The following GSE1 variants were observed in gnomAD, a reference collection of about 807,000 sequenced individuals.
The protein encoded by GSE1 is Gse1 coiled-coil protein, also known as genetic suppressor element 1.
Under a neutral mutation model 112.6 loss-of-function variants are expected in GSE1, and 32 were observed. That is an observed-to-expected ratio of 0.28 (90% CI 0.21 to 0.38). The LOEUF is 0.38. Among genes scored for constraint, GSE1 ranks in the 10% least tolerant of loss-of-function variants. The pLI, the probability that GSE1 is intolerant of heterozygous loss-of-function variation, is 1.00. For missense variants in GSE1, 2,348 were observed against 1,699.2 expected, an observed-to-expected ratio of 1.38 and a Z score of -6.71; for synonymous variants, 1,115 against 735.6, an observed-to-expected ratio of 1.52 and a Z score of -8.35.
intron 2 of GSE1, among the ~76,000 whole-genome samples, chr16:85,439,609 G>T (rs996187362): frequency 6.6e-6 from 1 of 152,146 alleles, no homozygotes; most frequent in Non-Finnish European, 1.5e-5. Context: ...GTGTCAGTGG[G>T]GGGTGGGCTT....
intron 1 of GSE1, chr16:85,306,154 C>T (rs2045672264): frequency 6.5e-6 from 1 of 154,180 alleles, no homozygotes; most frequent in Non-Finnish European, 1.5e-5. Context: ...GGGTTAGGAA[C>T]TCCTGCTCTA....
chr16:85,441,340 G>A (rs141612723), intron 2 of GSE1, among the ~76,000 whole-genome samples: 8 of 152,248 alleles, frequency 5.3e-5, no homozygotes, highest in Non-Finnish European at 1.0e-4. Flanking sequence ...TGAGAATCAC[G>A]GGGTTAAGGG....
intron 1 of GSE1, among the ~76,000 whole-genome samples, chr16:85,197,479 C>G (rs978703663): frequency 6.6e-6 from 1 of 152,232 alleles, no homozygotes; most frequent in Non-Finnish European, 1.5e-5. Flanking sequence ...GGTGTCACTT[C>G]TAGCTTTAAA....
At chr16:85,395,865 G>A (rs1397580335) in intron 2 of GSE1, among the ~76,000 whole-genome samples, 1 of 151,850 alleles carries the variant, frequency 6.6e-6, no homozygotes, top group African/African-American at 2.4e-5. Context: ...CCAGAGATGG[G>A]GAGAGAAGAA....
chr16:85,226,663 G>C (rs551504195), intron 1 of GSE1, among the ~76,000 whole-genome samples: 1 of 152,298 alleles, frequency 6.6e-6, no homozygotes, highest in East Asian at 1.9e-4. Context: ...GTCTGCACAG[G>C]GGGCTCGGCA....
chr16:85,276,420 G>A (rs897911788), intron 1 of GSE1, among the ~76,000 whole-genome samples: 4 of 152,232 alleles, frequency 2.6e-5, no homozygotes, highest in African/African-American at 9.6e-5. Flanking sequence ...TCAGCGATTT[G>A]TTCACCCAGC....
chr16:85,365,991 G>T (rs2047177448), intron 2 of GSE1, among the ~76,000 whole-genome samples: 1 of 152,266 alleles, frequency 6.6e-6, no homozygotes, highest in Non-Finnish European at 1.5e-5. Flanking sequence ...ACGGGAATGT[G>T]TGAGCTGGGC....
At chr16:85,661,101 G>GA in intron 8 of GSE1, 45 bp from the exon 9 acceptor site, 1 of 1,520,100 alleles carries the variant, frequency 6.6e-7, no homozygotes, top group Non-Finnish European at 8.8e-7. Context: ...GTGGATGACT[G>GA]AAGGGTCTTT....
chr16:85,541,005 G>T (rs1428803167), intron 2 of GSE1, among the ~76,000 whole-genome samples: 1 of 152,152 alleles, frequency 6.6e-6, no homozygotes, highest in Admixed American at 6.5e-5. Flanking sequence ...GCAGGGTGGT[G>T]TGGCGGGGAT....
chr16:85,262,488 C>T (rs1293870431), intron 1 of GSE1, among the ~76,000 whole-genome samples: 1 of 152,184 alleles, frequency 6.6e-6, no homozygotes, highest in East Asian at 1.9e-4. Context: ...GCCGGGACTT[C>T]AGAGGAAGCA....
intron 1 of GSE1, among the ~76,000 whole-genome samples, chr16:85,255,454 C>T (rs1381882335): frequency 2.6e-5 from 4 of 151,272 alleles, no homozygotes; most frequent in Non-Finnish European, 4.4e-5. Context: ...CTCTGTTGCC[C>T]AGGCCGGAGC....
At chr16:85,662,953 T>G in intron 9 of GSE1, 28 bp from the exon 10 acceptor site, 2 of 1,444,700 alleles carry the variant, frequency 1.4e-6, no homozygotes, top group Non-Finnish European at 1.9e-6. Context: ...GCTCTTTGTC[T>G]GGCTGAATAC....
chr16:85,553,366 C>T (rs2045029186), upstream of GSE1, among the ~76,000 whole-genome samples: 1 of 151,352 alleles, frequency 6.6e-6, no homozygotes, highest in South Asian at 2.1e-4. Context: ...GCTCCGGAAA[C>T]AAAGGGCCGC....
intron 1 of GSE1, among the ~76,000 whole-genome samples, chr16:85,229,161 C>T (rs1230257629): frequency 6.6e-6 from 1 of 152,240 alleles, no homozygotes; most frequent in Non-Finnish European, 1.5e-5. Flanking sequence ...AAGAGGACGC[C>T]CCCCTTTGTG....
At chr16:85,246,339 C>A (rs1905739238) in intron 1 of GSE1, among the ~76,000 whole-genome samples, 1 of 98,366 alleles carries the variant, frequency 1.0e-5, no homozygotes, top group Non-Finnish European at 2.2e-5. Flanking sequence ...ACACCCCCCA[C>A]ACGCTGTCTA....
At chr16:85,660,738 C>T (rs187833831) in intron 8 of GSE1, among the ~76,000 whole-genome samples, 1 of 152,024 alleles carries the variant, frequency 6.6e-6, no homozygotes, top group African/African-American at 2.4e-5. Flanking sequence ...TCAAGCAGTT[C>T]TCCTGCCTCA....
chr16:85,631,512 G>T (rs1045642887), intron 1 of GSE1, among the ~76,000 whole-genome samples: 1 of 152,246 alleles, frequency 6.6e-6, no homozygotes, highest in African/African-American at 2.4e-5. Flanking sequence ...CCAGTGGGGT[G>T]AGCATCGCAG....
At chr16:85,647,429 G>A (rs759660987) in intron 2 of GSE1, among the ~76,000 whole-genome samples, 1 of 152,188 alleles carries the variant, frequency 6.6e-6, no homozygotes, top group African/African-American at 2.4e-5. Flanking sequence ...TAAAGATGGT[G>A]AATTATATCT....
intron 2 of GSE1, among the ~76,000 whole-genome samples, chr16:85,432,032 A>T (rs1209414613): frequency 1.3e-5 from 2 of 152,326 alleles, no homozygotes; most frequent in East Asian, 3.9e-4. Flanking sequence ...CGCACACCGG[A>T]GGTGACCGTC....
Sources: gnomAD v4.1 joint callset for allele counts (sites outside exome capture counted in the v4.1 genomes callset) on GRCh38, gnomAD v4.1.1 for gene constraint, MANE v1.5 for transcripts, NCBI Gene and HGNC (gene_info 2026-07-23, HGNC 2026-07-21) for gene names.